Variants in DNAJC9 observed in about 807,000 individuals in gnomAD.
DNAJC9 encodes the protein DnaJ heat shock protein family (Hsp40) member C9, also known as dnaJ homolog subfamily C member 9.
In DNAJC9, 18 loss-of-function variants were observed where a neutral mutation model predicts 32.4. That is an observed-to-expected ratio of 0.56 (90% CI 0.38 to 0.82). DNAJC9 has a LOEUF of 0.82. Ranked by LOEUF, DNAJC9 falls within the 40% of genes least tolerant of loss-of-function variation. The pLI is 0.00. For missense variants in DNAJC9, 310 were observed against 321.8 expected (o/e 0.96, Z 0.28); for synonymous variants, 113 against 122.1 (o/e 0.93, Z 0.49).
At chr10:73,240,877 T>C (rs1357314534), downstream of DNAJC9, 3 of 918,694 alleles carry the variant, frequency 3.3e-6, no homozygotes, top group African/African-American at 3.4e-5. Context: ...AAAAAGCCCT[T>C]AGCTATAAAC....
chr10:73,243,747 G>T, intron 4 of DNAJC9, 96 bp downstream of exon 4: 2 of 1,240,084 alleles, frequency 1.6e-6, no homozygotes, highest in Non-Finnish European at 2.3e-6. Flanking sequence ...ATGCGGTTAT[G>T]TCTTAAAAGA....
In DNAJC9 at chr10:73,242,640, TA is replaced by T. The variant is rs1390349498; in HGVS notation, c.*759del. ...GGCCCAACTGAAGACATTCAGCAAT[TA>T]ATGGCAGGACTTCAGTAATCAGTGG... On this transcript the variant is annotated 3_prime_UTR_variant, in exon 5 of 5. Coordinates refer to ENST00000372950, the MANE Select transcript of DNAJC9 (RefSeq NM_015190.5). 2 of 152,206 alleles carry T rather than the reference TA, an allele frequency of 1.3e-5. No homozygotes were observed. The highest frequency in any genetic ancestry group is 4.8e-5 in the African/African-American group (2 of 41,448). 9.4% of individuals were successfully genotyped at this position (152,206 alleles called of 1,614,324 possible).
chr10:73,239,190 C>G, downstream of DNAJC9: 1 of 754,698 alleles, frequency 1.3e-6, no homozygotes, highest in East Asian at 2.9e-5. Context: ...TGACTTTTCC[C>G]TCAAGTTGGT....
At chr10:73,235,092 T>C (rs2043792723), downstream of DNAJC9, 1 of 1,442,342 alleles carries the variant, frequency 6.9e-7, no homozygotes, top group African/African-American at 1.4e-5. Context: ...TGGAGCTGTT[T>C]GGCCTGCACT....
In DNAJC9 at chr10:73,242,670, G is replaced by A. The variant is rs900699576; in HGVS notation, c.*730C>T. 8 of 152,202 alleles carry A rather than the reference G, an allele frequency of 5.3e-5. No individual in the cohort carries two copies. Among genetic ancestry groups the A allele is most frequent in the Non-Finnish European group, 1.0e-4 (7 of 68,040 alleles). 9.4% of individuals were successfully genotyped at this position (152,202 alleles called of 1,614,324 possible). A position where few individuals can be genotyped will look rare whatever the true frequency, so the allele number is the denominator to read the frequency against. ...GCAGGACTTCAGTAATCAGTGGCAG[G>A]ACTACAACATACATCTCTTCATGCT... is the stretch of plus-strand genomic sequence containing the variant. On this transcript the variant is annotated 3_prime_UTR_variant, in exon 5 of 5. Coordinates refer to ENST00000372950, the MANE Select transcript of DNAJC9 (RefSeq NM_015190.5).
chr10:73,243,684 T>A, intron 4 of DNAJC9, 159 bp downstream of exon 4: 1 of 1,130,132 alleles, frequency 8.8e-7, no homozygotes, highest in South Asian at 1.6e-5. Flanking sequence ...TAAAACTTTG[T>A]AAATACACTT....
At chr10:73,246,290 G>C (rs2044006838) in intron 2 of DNAJC9, 114 bp from the exon 3 acceptor site, 28 of 1,176,768 alleles carry the variant, frequency 2.4e-5, no homozygotes, top group Non-Finnish European at 3.3e-5. Flanking sequence ...TGCTTGAGTT[G>C]AAATTATTGA....
chr10:73,244,000 C>A lies in DNAJC9; in HGVS notation c.577-71G>T. 3 of 1,245,140 alleles carry A rather than the reference C, an allele frequency of 2.4e-6. No individual in the cohort carries two copies. In the South Asian group the frequency reaches 3.8e-5, roughly 16 times the overall value. 77.1% of individuals were successfully genotyped at this position (1,245,140 alleles called of 1,614,324 possible). ...TAAAATACATACTCTTTCCCAAAAG[C>A]AAATCTATAATTCTGTTTCAATTTT... On this transcript the variant is annotated intron_variant, in intron 3 of 4. Coordinates refer to ENST00000372950, the MANE Select transcript of DNAJC9 (RefSeq NM_015190.5).
chr10:73,234,876 T>C, downstream of DNAJC9: 1 of 1,551,888 alleles, frequency 6.4e-7, no homozygotes, highest in South Asian at 1.2e-5. Context: ...CGAAATAATC[T>C]GCTACCACCT....
At chr10:73,239,064 T>G, downstream of DNAJC9, 1 of 403,454 alleles carries the variant, frequency 2.5e-6, no homozygotes, top group East Asian at 4.0e-5. Context: ...TTATAACTCC[T>G]GATTTCCTTA....
chr10:73,243,529 A>G lies in DNAJC9; in HGVS notation c.664-10T>C. On this transcript the variant is annotated splice_polypyrimidine_tract_variant and intron_variant, in intron 4 of 4. Transcript: ENST00000372950. ...GATCCTTTTGTCTGCTCTGTTTGAG[A>G]AGTTAAAACACAAGCTTTCACAACA... 1 of 1,613,888 alleles carries G rather than the reference A, an allele frequency of 6.2e-7. No individual in the cohort carries two copies. The highest frequency in any genetic ancestry group is 8.5e-7 in the Non-Finnish European group (1 of 1,179,956).
chr10:73,234,935 C>T (rs1482944105), downstream of DNAJC9: 2 of 1,551,862 alleles, frequency 1.3e-6, no homozygotes, highest in Admixed American at 3.9e-5. Context: ...GCCACAAAGA[C>T]AGATGGTATG....
At chr10:73,235,909 A>T (rs953717595), downstream of DNAJC9, among the ~76,000 whole-genome samples, 1 of 152,158 alleles carries the variant, frequency 6.6e-6, no homozygotes, top group Admixed American at 6.5e-5. Context: ...AGCCCTTTTA[A>T]GTAATAGAAA....
rs1405090071 is a variant in DNAJC9 at position 73,247,112 on chromosome 10, G to A, written c.78C>T (p.Ala26=). Residue 26 remains alanine (A), a synonymous_variant, in exon 1 of 5, where the codon GCC becomes GCT. Coordinates refer to ENST00000372950, the MANE Select transcript of DNAJC9 (RefSeq NM_015190.5). ...AGCCTCGTCGGACCTCGCCGTCGGA[G>A]GCCTCGCGTCGCACGCCCAGCACCC... ...LYRVLGVRRE[A]SDGEVRRGYH... is the part of the protein sequence containing the mutation. 2.5e-6 allele frequency: 4 copies of A among 1,595,896 alleles called. No individual in the cohort carries two copies. The highest frequency in any genetic ancestry group is 2.3e-5 in the East Asian group (1 of 43,508).
At chr10:73,245,107 TAC>T (rs1434039700) in intron 3 of DNAJC9, among the ~76,000 whole-genome samples, 1 of 150,330 alleles carries the variant, frequency 6.7e-6, no homozygotes, top group Non-Finnish European at 1.5e-5. Flanking sequence ...GGTCTTGATA[TAC>T]ACTCCACCGT....
chr10:73,233,479 C>T (rs536160403), intron 2 of DNAJC9, among the ~76,000 whole-genome samples: 42 of 152,210 alleles, frequency 2.8e-4, no homozygotes, highest in African/African-American at 9.2e-4. Context: ...GCCGGGACCA[C>T]AGGCGGGTGG....
rs1268891121 is a variant in DNAJC9 at position 73,246,710 on chromosome 10, T to C, written c.299A>G (p.Tyr100Cys). ...TACCTTTTTAAAGAGTAGCCGCCAA[T>C]ACGCCTCCCAGTCTCGGTCTTGGGT... ...VLTQDRDWEA[Y>C]WRLLFKKISL... Residue 100 changes from tyrosine to cysteine, a missense_variant, in exon 2 of 5, where the codon TAT becomes TGT. Coordinates refer to ENST00000372950, the MANE Select transcript of DNAJC9 (RefSeq NM_015190.5). The C allele has an allele frequency of 1.9e-6, 3 of 1,613,990 alleles. No individual in the cohort carries two copies. Among genetic ancestry groups the C allele is most frequent in the Non-Finnish European group, 2.5e-6 (3 of 1,179,900 alleles).
At chr10:73,245,451 A>T (rs75155352) in intron 3 of DNAJC9, among the ~76,000 whole-genome samples, 2 of 97,428 alleles carry the variant, frequency 2.1e-5, no homozygotes, top group Non-Finnish European at 3.7e-5. Flanking sequence ...GTTTTTCTTT[A>T]AAAAAAAAAA....
At chr10:73,240,436 GGC>G (rs1408981400), downstream of DNAJC9, among the ~76,000 whole-genome samples, 2 of 152,158 alleles carry the variant, frequency 1.3e-5, no homozygotes, top group Admixed American at 6.5e-5. Context: ...TAACTGGCTG[GGC>G]GTGGTGGCTC....
Sources: gnomAD v4.1 joint callset for allele counts (sites outside exome capture counted in the v4.1 genomes callset) on GRCh38, gnomAD v4.1.1 for gene constraint, MANE v1.5 for transcripts, NCBI Gene and HGNC (gene_info 2026-07-23, HGNC 2026-07-21) for gene names.